The following VPS35 variants were observed in gnomAD, a reference collection of about 807,000 sequenced individuals.
VPS35 encodes the protein vacuolar protein sorting-associated protein 35.
A neutral mutation model predicts 98.1 loss-of-function variants in VPS35; 21 were observed. The observed-to-expected ratio is 0.21, with a 90% CI of 0.15 to 0.31. The LOEUF (loss-of-function observed/expected upper bound fraction) is 0.31. Ranked by LOEUF, VPS35 falls within the 10% of genes least tolerant of loss-of-function variation. The probability of loss-of-function intolerance (pLI) is 1.00; values close to 1 mark genes in which losing one functional copy is unlikely to be tolerated. For synonymous variants in VPS35, 268 were observed against 318.2 expected, an observed-to-expected ratio of 0.84 and a Z score of 1.68; for missense variants, 554 against 950.8, an observed-to-expected ratio of 0.58 and a Z score of 5.49.
At position 46,676,710 on chromosome 16, in the gene VPS35, A is replaced by G. The variant is rs1229839289; in HGVS notation, c.805-18T>C. Reference sequence around the variant, plus strand: ...GGGAAAACCTGAAAATCAAATGATCAATACAAATAAAAGTATTTCACGTAA... The same window carrying G: ...GGGAAAACCTGAAAATCAAATGATCGATACAAATAAAAGTATTTCACGTAA... On this transcript the variant is annotated intron_variant, in intron 7 of 16. Transcript: ENST00000299138. The G allele has an allele frequency of 1.3e-6, 2 of 1,528,410 alleles. No individual in the cohort carries two copies. The highest frequency in any genetic ancestry group is 2.7e-5 in the African/African-American group (2 of 73,166). 94.7% of individuals were successfully genotyped at this position (1,528,410 alleles called of 1,614,324 possible).
At chr16:46,668,719 G>T (rs753983194) in intron 13 of VPS35, among the ~76,000 whole-genome samples, 1 of 152,088 alleles carries the variant, frequency 6.6e-6, no homozygotes, top group East Asian at 1.9e-4. Flanking sequence ...TGCTTTTTAC[G>T]TGATCCCTCA....
At chr16:46,676,774 G>GA (rs148918317) in intron 7 of VPS35, 82 bp from the exon 8 acceptor site, 13 of 974,578 alleles carry the variant, frequency 1.3e-5, no homozygotes, top group East Asian at 5.0e-5. Flanking sequence ...ACATTTGTGG[G>GA]AAAAAAACAC....
intron 1 of VPS35, chr16:46,688,695 G>A (rs1213905636): frequency 2.1e-5 from 23 of 1,111,194 alleles, no homozygotes; most frequent in African/African-American, 3.2e-5. Context: ...GCACAACTAG[G>A]CACAAAGGTA....
In VPS35 at chr16:46,677,296, AT is replaced by A; in HGVS notation, c.804+18del. On this transcript the variant is annotated intron_variant, in intron 7 of 16. Coordinates refer to ENST00000299138, the MANE Select transcript of VPS35 (RefSeq NM_018206.6). ...GATAAAATAGGTCGTTTAAAAAAAA[AT>A]GAAATGTTCCCAGCTACCTGAATAA... 6.2e-7 allele frequency: 1 copy of A among 1,608,528 alleles called. No homozygotes were observed. The highest frequency in any genetic ancestry group is 8.5e-7 in the Non-Finnish European group (1 of 1,175,138).
At position 46,676,684 on chromosome 16, in the gene VPS35, A is replaced by T; in HGVS notation, c.813T>A (p.Pro271=). The change falls in exon 8 of 17, where the codon CCT becomes CCA. Residue 271 remains proline, a synonymous_variant. Transcript: ENST00000299138. ...YLMECIIQVF[P]DEFHLQTLNP... ...TCAAAGTCTGGAGGTGAAATTCATC[A>T]GGGAAAACCTGAAAATCAAATGATC... 1 of 1,609,270 alleles carries T rather than the reference A, an allele frequency of 6.2e-7. No homozygotes were observed. The highest frequency in any genetic ancestry group is 8.5e-7 in the Non-Finnish European group (1 of 1,175,754).
chr16:46,661,992 C>A lies in VPS35; in HGVS notation c.2068-131G>T, dbSNP rs980573624. ...AACAAATTTAAATCCTTTTCATTCT[C>A]CTTCTTCTTGTTTTGAAGTATACAG... On this transcript the variant is annotated intron_variant, in intron 15 of 16. Transcript: ENST00000299138. The surrounding 1 kb of genome is among the most constrained non-coding windows in gnomAD (Gnocchi z 4.3). 2.2e-6 allele frequency: 3 copies of A among 1,395,064 alleles called. No individual in the cohort carries two copies. Among genetic ancestry groups the A allele is most frequent in the African/African-American group, 2.9e-5 (2 of 69,396 alleles). 86.4% of individuals were successfully genotyped at this position (1,395,064 alleles called of 1,614,324 possible).
At chr16:46,660,762 T>C in intron 16 of VPS35, 111 bp from the exon 17 acceptor site, 1 of 746,884 alleles carries the variant, frequency 1.3e-6, no homozygotes, top group Non-Finnish European at 2.1e-6. Context: ...ATTACCTGAG[T>C]AATTATGAAA....
intron 1 of VPS35, among the ~76,000 whole-genome samples, chr16:46,687,380 T>C (rs148528578): frequency 1.4e-3 from 210 of 152,332 alleles, no homozygotes; most frequent in Middle Eastern, 6.8e-3. Context: ...TTCCAATACA[T>C]ATCCCCAAGA....
intron 3 of VPS35, 84 bp from the exon 4 acceptor site, chr16:46,681,584 C>A: frequency 1.3e-6 from 2 of 1,481,840 alleles, no homozygotes; most frequent in South Asian, 2.3e-5. Context: ...TTACTAACTA[C>A]TGGGCAGACA....
intron 13 of VPS35, among the ~76,000 whole-genome samples, chr16:46,663,674 GGCGT>G (rs1188004178): frequency 6.6e-6 from 1 of 151,618 alleles, no homozygotes; most frequent in African/African-American, 2.4e-5. Context: ...TGGGATCACA[GGCGT>G]GAGCCACTGC....
intron 13 of VPS35, among the ~76,000 whole-genome samples, chr16:46,666,279 T>C (rs1446979465): frequency 1.3e-5 from 2 of 151,320 alleles, no homozygotes; most frequent in Non-Finnish European, 2.9e-5. Flanking sequence ...TTTTTTTTTT[T>C]TTTTTTTAGA....
rs768774857 is a variant in VPS35, at chr16:46,689,172, C to G, written c.-39G>C. ...AGCCTGCAGCAAGCAGCACCCGCCC[C>G]GCGCGTAGCCTCCCGCGGTCATGTG... On this transcript the variant is annotated 5_prime_UTR_variant, in exon 1 of 17. Coordinates refer to ENST00000299138, the MANE Select transcript of VPS35 (RefSeq NM_018206.6). 2 of 1,601,870 alleles carry G rather than the reference C, an allele frequency of 1.2e-6. No homozygotes were observed. Among genetic ancestry groups the G allele is most frequent in the African/African-American group, 1.3e-5 (1 of 74,802 alleles).
chr16:46,688,404 C>A (rs957599115), intron 1 of VPS35: 2 of 986,954 alleles, frequency 2.0e-6, no homozygotes, highest in African/African-American at 3.5e-5. Context: ...CCGTCATAGA[C>A]GGGCCCTAAG....
intron 10 of VPS35, chr16:46,673,740 T>C (rs1420193610): frequency 6.5e-6 from 1 of 154,514 alleles, no homozygotes; most frequent in Non-Finnish European, 1.4e-5. Context: ...CCCCTCATTT[T>C]TCACCATGTG....
At position 46,660,557 on chromosome 16, in the gene VPS35, T is replaced by C. The variant is rs777427799; in HGVS notation, c.2306A>G (p.His769Arg). 6.2e-7 allele frequency: 1 copy of C among 1,614,054 alleles called. No individual in the cohort carries two copies. Among genetic ancestry groups the C allele is most frequent in the Non-Finnish European group, 8.5e-7 (1 of 1,180,010 alleles). ...SSEETEQINKHFHNTLEHLRL... is the reference protein window; with the variant it reads ...SSEETEQINKRFHNTLEHLRL... ...CAAATGCTCCAGTGTGTTATGAAAA[T>C]GTTTGTTAATCTGCTCTGTTTCTTC... Residue 769 changes from histidine to arginine, a missense_variant, in exon 17 of 17, where the codon CAT (histidine) becomes CGT (arginine). His to Arg is a conservative substitution (Grantham distance 29). This residue lies in a region of VPS35 where 153 missense variants were observed against 211.0 expected (regional missense o/e 0.73). Coordinates refer to ENST00000299138, the MANE Select transcript of VPS35 (RefSeq NM_018206.6).
chr16:46,660,544 T>C lies in VPS35; in HGVS notation c.2319A>G (p.Thr773=). The change falls in exon 17 of 17, where the codon ACA becomes ACG. Residue 773 remains threonine, a synonymous_variant. Transcript: ENST00000299138. ...CCCGCCGCAAGCGCAAATGCTCCAGTGTGTTATGAAAATGTTTGTTAATCT... is the reference window on the plus strand; with the variant it reads ...CCCGCCGCAAGCGCAAATGCTCCAGCGTGTTATGAAAATGTTTGTTAATCT... ...TEQINKHFHN[T]LEHLRLRRES... is the part of the protein sequence containing the mutation. 6.2e-7 allele frequency: 1 copy of C among 1,614,088 alleles called. No individual in the cohort carries two copies. The highest frequency in any genetic ancestry group is 8.5e-7 in the Non-Finnish European group (1 of 1,180,014).
intron 10 of VPS35, 124 bp downstream of exon 10, chr16:46,674,190 T>C: frequency 9.0e-7 from 1 of 1,106,936 alleles, no homozygotes; most frequent in Non-Finnish European, 1.3e-6. Flanking sequence ...GTGCTAAGCA[T>C]GACAATCTTA....
intron 5 of VPS35, 82 bp downstream of exon 5, chr16:46,680,589 G>A (rs2143008671): frequency 1.4e-6 from 2 of 1,433,876 alleles, no homozygotes; most frequent in East Asian, 2.4e-5. Flanking sequence ...TTCACACTTT[G>A]TTTCTGTATA....
intron 1 of VPS35, 51 bp downstream of exon 1, chr16:46,689,080 A>G: frequency 6.3e-7 from 1 of 1,596,888 alleles, no homozygotes; most frequent in Non-Finnish European, 8.5e-7. Flanking sequence ...GGGAGAGAGC[A>G]GGGGCTACAA....
Sources: allele counts gnomAD v4.1 joint callset (sites outside exome capture counted in the v4.1 genomes callset), GRCh38; gene constraint gnomAD v4.1.1; regional missense constraint gnomAD v4.1.1; non-coding constraint Gnocchi (gnomAD v3.1); transcripts MANE v1.5; gene names NCBI Gene and HGNC (gene_info 2026-07-23, HGNC 2026-07-21).